The following SHANK2 variants were observed in gnomAD, a reference collection of about 807,000 sequenced individuals.
The protein encoded by SHANK2 is SH3 and multiple ankyrin repeat domains 2, also known as SH3 and multiple ankyrin repeat domains protein 2.
A neutral mutation model predicts 133.7 loss-of-function variants in SHANK2; 43 were observed. The observed-to-expected ratio is 0.32, with a 90% CI of 0.25 to 0.41. SHANK2 has a LOEUF of 0.41. Ranked by LOEUF, SHANK2 falls within the 10% of genes least tolerant of loss-of-function variation. SHANK2 has a pLI of 1.00. For missense variants in SHANK2, 1,994 were observed against 2,235.8 expected (o/e 0.89, Z 2.18); for synonymous variants, 1,017 against 952.8 (o/e 1.07, Z -1.24).
Position 70,711,878 on chromosome 11 carries a change from C to A in SHANK2, c.1778-13115G>T, listed in dbSNP as rs114358304. The stretch of plus-strand genomic sequence containing the variant: ...AGGGGAGGGGAAGAGAAAATAAGGA[C>A]CCTGTGCAGAATGCCCAGGCACACG... On this transcript the variant is annotated intron_variant, in intron 14 of 25. Transcript: ENST00000601538. Among the ~76,000 whole-genome samples, 1,465 of 152,322 alleles carry A rather than the reference C, an allele frequency of 9.6e-3. 27 individuals carry two copies. Among genetic ancestry groups the A allele is most frequent in the African/African-American group, 0.034 (1,400 of 41,570 alleles).
At chr11:70,812,997 CCATTCATTCATTCACCAGTCAGTTACA>C (rs1216163850) in intron 12 of SHANK2, among the ~76,000 whole-genome samples, 5 of 152,162 alleles carry the variant, frequency 3.3e-5, no homozygotes, top group Admixed American at 1.3e-4. Flanking sequence ...TGACCTTTCT[CCATTCATTCATTCACCAGTCAGTTACA>C]CATTCATTCA....
At chr11:70,670,921 C>G (rs1397317222) in intron 15 of SHANK2, among the ~76,000 whole-genome samples, 1 of 152,206 alleles carries the variant, frequency 6.6e-6, no homozygotes, top group Non-Finnish European at 1.5e-5. Flanking sequence ...TGGTTCTGTA[C>G]TCATGCAGCC....
chr11:70,676,495 G>A (rs375816745), intron 15 of SHANK2, among the ~76,000 whole-genome samples: 4 of 152,362 alleles, frequency 2.6e-5, no homozygotes, highest in East Asian at 1.9e-4. Flanking sequence ...TTGCCACCAT[G>A]AGGGAGAGGC....
intron 10 of SHANK2, among the ~76,000 whole-genome samples, chr11:70,930,597 A>C (rs1287223005): frequency 1.3e-5 from 2 of 150,682 alleles, no homozygotes; most frequent in African/African-American, 4.9e-5. Flanking sequence ...GGTAGAGGTC[A>C]TTGGTCTCAG....
intron 14 of SHANK2, among the ~76,000 whole-genome samples, chr11:70,791,910 C>A (rs139499277): frequency 6.5e-4 from 99 of 152,334 alleles, no homozygotes; most frequent in African/African-American, 2.0e-3. Flanking sequence ...TTGGATGAGA[C>A]AGCATGCAGG....
At position 70,486,880 on chromosome 11, in the gene SHANK2, G is replaced by A. The variant is rs145096013; in HGVS notation, c.3413C>T (p.Ala1138Val). ...CGGCATGGGGGATGACAGCTGCTCA[G>A]CGCTGTCCTCGTCAGCAAAATCCCC... ...EEGDFADEDSAEQLSSPMPSA... is the reference protein window; with the variant it reads ...EEGDFADEDSVEQLSSPMPSA... The change falls in exon 25 of 26, where the codon GCT (alanine) becomes GTT (valine). Residue 1138 changes from alanine to valine, a missense_variant. This residue lies in a region of SHANK2 where 797 missense variants were observed against 907.4 expected (regional missense o/e 0.88). Coordinates refer to ENST00000601538, the MANE Select transcript of SHANK2 (RefSeq NM_012309.5). This position sits in a 1 kb window ranked among gnomAD's most constrained non-coding sequence, Gnocchi z 8.0. 4.7e-5 allele frequency: 76 copies of A among 1,612,758 alleles called. No homozygotes were observed. In the African/African-American group the frequency reaches 7.6e-4, roughly 16 times the overall value.
At chr11:71,089,697 G>A (rs1024705742) in intron 8 of SHANK2, among the ~76,000 whole-genome samples, 38 of 152,146 alleles carry the variant, frequency 2.5e-4, no homozygotes, top group African/African-American at 3.9e-4. Flanking sequence ...AGAGGCGAGC[G>A]TGGTCAGGCC....
intron 25 of SHANK2, chr11:70,477,323 A>G (rs534537421): frequency 6.6e-6 from 1 of 152,366 alleles, no homozygotes; most frequent in South Asian, 2.1e-4. Flanking sequence ...CCCTGGCTGA[A>G]AGCCCATCCG....
chr11:70,715,715 A>G (rs1945899683), intron 14 of SHANK2, among the ~76,000 whole-genome samples: 1 of 152,210 alleles, frequency 6.6e-6, no homozygotes, highest in African/African-American at 2.4e-5. Flanking sequence ...CCTGATTTGC[A>G]TTTGCTGATG....
intron 16 of SHANK2, 43 bp downstream of exon 16, chr11:70,661,552 CA>C: frequency 8.2e-7 from 1 of 1,225,418 alleles, no homozygotes; most frequent in East Asian, 2.5e-5. Context: ...CACACACACA[CA>C]CAAACATGGG....
intron 14 of SHANK2, among the ~76,000 whole-genome samples, chr11:70,782,840 G>A (rs10793307): frequency 0.31 from 46,910 of 152,118 alleles, 8,817 homozygotes; most frequent in East Asian, 0.45. Context: ...CATCGCACAC[G>A]CAGCACGTCC....
intron 11 of SHANK2, among the ~76,000 whole-genome samples, chr11:70,895,838 T>C (rs1949925860): frequency 6.6e-6 from 1 of 152,054 alleles, no homozygotes; most frequent in South Asian, 2.1e-4. Context: ...CTTTTTAGAT[T>C]TTTAAAAAAG....
At position 70,943,124 on chromosome 11, in the gene SHANK2, C is replaced by T. The variant is rs781796932; in HGVS notation, c.1108-46557G>A. ...GGAGTTCACCTGGCAAAGGTGGTGG[C>T]GATGGAGCAAGCAGTCTCACCTGGC... On this transcript the variant is annotated intron_variant, in intron 10 of 25. Transcript: ENST00000601538. The T allele has an allele frequency of 3.7e-5, 17 of 455,642 alleles. No individual in the cohort carries two copies. The East Asian group carries it at 4.9e-4, about 13-fold the overall frequency. The allele number at this position is 455,642 out of a possible 1,614,324, so 28.2% of individuals were successfully genotyped here. A position where few individuals can be genotyped will look rare whatever the true frequency, so the allele number is the denominator to read the frequency against.
At chr11:70,502,742 C>CCA in intron 18 of SHANK2, 54 bp downstream of exon 18, 1 of 434,402 alleles carries the variant, frequency 2.3e-6, no homozygotes, top group Non-Finnish European at 3.2e-6. Flanking sequence ...CCCGCCCCCA[C>CCA]CCCCCCCCCC....
intron 1 of SHANK2, among the ~76,000 whole-genome samples, chr11:71,246,437 C>T (rs975650843): frequency 4.6e-5 from 7 of 152,154 alleles, no homozygotes; most frequent in Non-Finnish European, 7.4e-5. Flanking sequence ...TGGCAGTATG[C>T]AGAGCACACA....
chr11:70,751,025 C>T (rs535435053), intron 14 of SHANK2, among the ~76,000 whole-genome samples: 20 of 151,670 alleles, frequency 1.3e-4, no homozygotes, highest in African/African-American at 3.4e-4. Context: ...CAACTCTCAA[C>T]GGAAACAATA....
chr11:71,066,042 AGG>A (rs1398629809), intron 9 of SHANK2, among the ~76,000 whole-genome samples: 4 of 2,878 alleles, frequency 1.4e-3, no homozygotes, highest in South Asian at 0.033. Context: ...AAGTTGGGGG[AGG>A]GTACAGAACT....
chr11:70,805,108 C>A (rs1453180815), intron 13 of SHANK2, among the ~76,000 whole-genome samples: 3 of 152,172 alleles, frequency 2.0e-5, no homozygotes, highest in African/African-American at 7.2e-5. Context: ...TCTTCACAGG[C>A]CTCTCTGCCC....
At chr11:70,478,486 A>G (rs1222947565) in intron 25 of SHANK2, among the ~76,000 whole-genome samples, 1 of 152,244 alleles carries the variant, frequency 6.6e-6, no homozygotes, top group Non-Finnish European at 1.5e-5. Context: ...CCCATCTTGC[A>G]TGAAAATAGC....
Sources: gnomAD v4.1 joint callset for allele counts (sites outside exome capture counted in the v4.1 genomes callset) on GRCh38, gnomAD v4.1.1 for gene constraint, gnomAD v4.1.1 regional missense constraint, Gnocchi (gnomAD v3.1) non-coding constraint, MANE v1.5 for transcripts, NCBI Gene and HGNC (gene_info 2026-07-23, HGNC 2026-07-21) for gene names.